Variants in HHLA2 observed in about 807,000 individuals in gnomAD.
HHLA2 encodes the protein HHLA2 member of B7 family.
HHLA2 carries 48 observed loss-of-function variants against 45.9 expected under a neutral mutation model. The ratio of observed to expected loss-of-function variants is 1.05; its 90% CI spans 0.83 to 1.33. The LOEUF (loss-of-function observed/expected upper bound fraction) is 1.33, where lower values mean the gene tolerates loss of function less well. HHLA2 is among the 40% of genes most tolerant of loss of function. The pLI is 0.00. For synonymous variants in HHLA2, 161 were observed against 173.9 expected (o/e 0.93, Z 0.59); for missense variants, 462 against 494.3 (o/e 0.93, Z 0.62).
intron 8 of HHLA2, among the ~76,000 whole-genome samples, chr3:108,367,494 A>T (rs1045880293): frequency 6.6e-6 from 1 of 152,018 alleles, no homozygotes; most frequent in African/African-American, 2.4e-5. Flanking sequence ...TAGAATAACC[A>T]GTTTAGAGGA....
At chr3:108,365,707 T>C (rs548684878) in intron 8 of HHLA2, among the ~76,000 whole-genome samples, 77 of 152,352 alleles carry the variant, frequency 5.1e-4, no homozygotes, top group Admixed American at 8.5e-4. Flanking sequence ...ACATCCCTTG[T>C]AAGTTGTATT....
intron 8 of HHLA2, among the ~76,000 whole-genome samples, chr3:108,372,566 T>C (rs927718546): frequency 1.3e-5 from 2 of 150,876 alleles, no homozygotes; most frequent in African/African-American, 4.9e-5. Context: ...ATCAACAAAA[T>C]TGATAGACCG....
intron 2 of HHLA2, chr3:108,326,129 A>G: frequency 4.0e-6 from 1 of 249,658 alleles, no homozygotes. Flanking sequence ...TAATGCCACT[A>G]CAATCTTTTT....
chr3:108,336,193 A>G (rs2081469394), intron 3 of HHLA2, among the ~76,000 whole-genome samples: 1 of 152,170 alleles, frequency 6.6e-6, no homozygotes, highest in Admixed American at 6.6e-5. Context: ...TTCCCTATTT[A>G]TGAAGTAGTT....
At chr3:108,339,908 T>A (rs1376594779) in intron 3 of HHLA2, among the ~76,000 whole-genome samples, 1 of 152,154 alleles carries the variant, frequency 6.6e-6, no homozygotes, top group African/African-American at 2.4e-5. Flanking sequence ...TCAAAAATAG[T>A]TTCAGGATTG....
chr3:108,369,768 G>C (rs2082134510), intron 8 of HHLA2, among the ~76,000 whole-genome samples: 1 of 152,148 alleles, frequency 6.6e-6, no homozygotes, highest in Admixed American at 6.5e-5. Context: ...CTGGGGGAGG[G>C]GCACCCACCA....
chr3:108,338,628 C>G (rs934257213), intron 3 of HHLA2, among the ~76,000 whole-genome samples: 2 of 152,208 alleles, frequency 1.3e-5, no homozygotes, highest in African/African-American at 2.4e-5. Context: ...TTTCTCTCCA[C>G]AAGCCTAGCA....
At chr3:108,327,575 C>T (rs1441329755) in intron 2 of HHLA2, among the ~76,000 whole-genome samples, 5 of 152,156 alleles carry the variant, frequency 3.3e-5, no homozygotes, top group African/African-American at 1.2e-4. Context: ...ACTGTCTAGT[C>T]AGCTGTTAAA....
intron 4 of HHLA2, among the ~76,000 whole-genome samples, chr3:108,352,608 G>A (rs2081800988): frequency 6.6e-6 from 1 of 152,218 alleles, no homozygotes; most frequent in African/African-American, 2.4e-5. Context: ...AATCAAAGCA[G>A]TTAGATTACC....
At chr3:108,313,007 A>G (rs2081046158) in intron 2 of HHLA2, among the ~76,000 whole-genome samples, 1 of 152,130 alleles carries the variant, frequency 6.6e-6, no homozygotes, top group Non-Finnish European at 1.5e-5. Context: ...TTTTGAAATT[A>G]AGGAGAAAAG....
intron 1 of HHLA2, among the ~76,000 whole-genome samples, chr3:108,304,890 T>A (rs1020408807): frequency 6.6e-6 from 1 of 152,188 alleles, no homozygotes; most frequent in African/African-American, 2.4e-5. Flanking sequence ...AAACTATTGA[T>A]GATTACCACA....
chr3:108,337,014 C>A lies in HHLA2; in HGVS notation c.-27+8667C>A, dbSNP rs534240950. Among the ~76,000 whole-genome samples the A allele has an allele frequency of 2.0e-5, 3 of 151,944 alleles. No homozygotes were observed. In the East Asian group the frequency reaches 5.8e-4, roughly 29 times the overall value. On this transcript the variant is annotated intron_variant, in intron 3 of 10. Transcript: ENST00000619531. ...GTGGTGGTAAATTATGCCTTTTGGACCAGAGGTTGAAGCGGATTTGAGGGG... is the reference window on the plus strand; with the variant it reads ...GTGGTGGTAAATTATGCCTTTTGGAACAGAGGTTGAAGCGGATTTGAGGGG...
intron 3 of HHLA2, among the ~76,000 whole-genome samples, chr3:108,348,476 A>G (rs1006927590): frequency 6.6e-6 from 1 of 152,156 alleles, no homozygotes; most frequent in Non-Finnish European, 1.5e-5. Context: ...TTATTTCAAG[A>G]AATTAATGGA....
intron 4 of HHLA2, among the ~76,000 whole-genome samples, chr3:108,352,376 G>C (rs1340471736): frequency 6.6e-6 from 1 of 152,154 alleles, no homozygotes; most frequent in Non-Finnish European, 1.5e-5. Flanking sequence ...AAGTCTCTCT[G>C]AGGAAGAGAG....
At chr3:108,349,283 T>C (rs1404046664) in intron 3 of HHLA2, among the ~76,000 whole-genome samples, 1 of 150,696 alleles carries the variant, frequency 6.6e-6, no homozygotes, top group Non-Finnish European at 1.5e-5. Flanking sequence ...AAGAATCAAA[T>C]AGACACAATA....
chr3:108,319,404 C>A (rs577464608), intron 2 of HHLA2, among the ~76,000 whole-genome samples: 1 of 152,290 alleles, frequency 6.6e-6, no homozygotes, highest in South Asian at 2.1e-4. Context: ...TTATTATGAT[C>A]TTAAGCTTCT....
chr3:108,378,228 T>C (rs1407134789), exon 11 of HHLA2: 1 of 152,216 alleles, frequency 6.6e-6, no homozygotes, highest in Admixed American at 6.5e-5. Flanking sequence ...CTGACTCTCT[T>C]TTCGGACTCA....
At chr3:108,345,299 A>T (rs1196996138) in intron 3 of HHLA2, among the ~76,000 whole-genome samples, 6 of 152,232 alleles carry the variant, frequency 3.9e-5, no homozygotes, top group Admixed American at 3.9e-4. Flanking sequence ...AGCTTCCATC[A>T]TCCAAGTACA....
chr3:108,317,021 T>A (rs1185044205), intron 2 of HHLA2, among the ~76,000 whole-genome samples: 2 of 152,216 alleles, frequency 1.3e-5, no homozygotes, highest in African/African-American at 4.8e-5. Flanking sequence ...TCATGGCTGT[T>A]GTGGACAGTT....
Sources: gnomAD v4.1 joint callset for allele counts (sites outside exome capture counted in the v4.1 genomes callset) on GRCh38, gnomAD v4.1.1 for gene constraint, MANE v1.5 for transcripts, NCBI Gene and HGNC (gene_info 2026-07-23, HGNC 2026-07-21) for gene names.